The following PTPRD variants were observed in gnomAD, a reference collection of about 807,000 sequenced individuals.
PTPRD encodes protein tyrosine phosphatase receptor type D.
A neutral mutation model predicts 214.5 loss-of-function variants in PTPRD; 34 were observed. The observed-to-expected ratio is 0.16, with a 90% confidence interval of 0.12 to 0.21. PTPRD has a LOEUF of 0.21. Ranked by LOEUF, PTPRD falls within the 10% of genes least tolerant of loss-of-function variation. The pLI is 1.00. For missense variants in PTPRD, 2,545 were observed against 2,398.7 expected (o/e 1.06, Z -1.27); for synonymous variants, 1,128 against 845.7 (o/e 1.33, Z -5.79).
intron 11 of PTPRD, chr9:8,861,807 C>G (rs760799820): frequency 6.6e-6 from 1 of 152,130 alleles, no homozygotes; most frequent in Non-Finnish European, 1.5e-5. Flanking sequence ...GTGACATGTT[C>G]GGAAGAGAGT....
At chr9:8,561,602 G>C (rs1472117385) in intron 14 of PTPRD, among the ~76,000 whole-genome samples, 1 of 152,186 alleles carries the variant, frequency 6.6e-6, no homozygotes, top group African/African-American at 2.4e-5. Flanking sequence ...AGCAAGGTGG[G>C]GGTGAGGGGG....
intron 7 of PTPRD, among the ~76,000 whole-genome samples, chr9:9,656,625 C>A (rs2096522332): frequency 6.6e-6 from 1 of 152,022 alleles, no homozygotes; most frequent in Non-Finnish European, 1.5e-5. Context: ...GGGAGCAGTG[C>A]AGAGGAATAG....
chr9:9,686,696 A>G (rs747181305), intron 7 of PTPRD, among the ~76,000 whole-genome samples: 1 of 151,734 alleles, frequency 6.6e-6, no homozygotes, highest in Non-Finnish European at 1.5e-5. Context: ...GTAATACATC[A>G]ATGAATATTT....
chr9:10,289,214 T>C (rs1424031266), intron 3 of PTPRD, among the ~76,000 whole-genome samples: 1 of 152,190 alleles, frequency 6.6e-6, no homozygotes, highest in Non-Finnish European at 1.5e-5. Context: ...TTCTTATTTA[T>C]GGACTTATTC....
chr9:9,649,681 T>C (rs911411353), intron 7 of PTPRD, among the ~76,000 whole-genome samples: 8 of 152,236 alleles, frequency 5.3e-5, no homozygotes, highest in African/African-American at 1.9e-4. Context: ...TTTGCACTCA[T>C]TAATGTGGTT....
chr9:9,195,040 A>G (rs1224264419), intron 9 of PTPRD, among the ~76,000 whole-genome samples: 1 of 150,228 alleles, frequency 6.7e-6, no homozygotes, highest in East Asian at 2.0e-4. Context: ...GTGTGTATAT[A>G]TATACATATT....
rs777596277 is a variant in PTPRD, at chr9:8,376,676, G to C, written c.4437C>G (p.Leu1479=). Residue 1479 remains leucine, a synonymous_variant, in exon 38 of 46, where the codon CTC becomes CTG. Coordinates refer to ENST00000381196, the MANE Select transcript of PTPRD (RefSeq NM_002839.4). ...WPSRGTETHG[L]VQVTLLDTVE... ...CAGTATCAAGCAGCGTTACTTGAAC[G>C]AGTCCGTGGGTTTCTGTGCCTCTGC... 1 of 1,613,076 alleles carries C rather than the reference G, an allele frequency of 6.2e-7. No individual in the cohort carries two copies. Among genetic ancestry groups the C allele is most frequent in the South Asian group, 1.1e-5 (1 of 91,070 alleles).
At chr9:9,758,022 C>T (rs1300425334) in intron 6 of PTPRD, among the ~76,000 whole-genome samples, 2 of 151,872 alleles carry the variant, frequency 1.3e-5, no homozygotes, top group Admixed American at 1.3e-4. Flanking sequence ...CCATATCTGC[C>T]GGTGAGCCTC....
In PTPRD at chr9:9,913,162, T is replaced by C. The variant is rs568817763; in HGVS notation, c.-368+25345A>G. Among the ~76,000 whole-genome samples the C allele has an allele frequency of 3.9e-5, 6 of 152,306 alleles. No individual in the cohort carries two copies. The East Asian group carries it at 1.2e-3, about 29-fold the overall frequency. On this transcript the variant is annotated intron_variant, in intron 5 of 45. Transcript: ENST00000381196. The stretch of plus-strand genomic sequence containing the variant: ...TCCAAATTACATTCTAATTGCTATA[T>C]AAATTCATTTTTATGAAAAAAGAAA...
chr9:10,523,739 T>A (rs2134306207), intron 2 of PTPRD, among the ~76,000 whole-genome samples: 1 of 151,142 alleles, frequency 6.6e-6, no homozygotes, highest in East Asian at 2.0e-4. Flanking sequence ...CTATTGATTC[T>A]CTTTATGATT....
intron 4 of PTPRD, among the ~76,000 whole-genome samples, chr9:9,988,364 T>C (rs1239028077): frequency 1.3e-5 from 2 of 152,310 alleles, no homozygotes; most frequent in Non-Finnish European, 1.5e-5. Flanking sequence ...AACTGTTTAT[T>C]ATGAATGCCA....
chr9:8,381,129 C>G (rs2084938234), intron 37 of PTPRD, among the ~76,000 whole-genome samples: 1 of 152,076 alleles, frequency 6.6e-6, no homozygotes, highest in Admixed American at 6.5e-5. Flanking sequence ...AAATTCGTAC[C>G]TAGTAAGTTT....
chr9:9,833,560 C>T lies in PTPRD; in HGVS notation c.-367-66709G>A, dbSNP rs138742872. Among the ~76,000 whole-genome samples, 1,211 of 149,804 alleles carry T rather than the reference C, an allele frequency of 8.1e-3. 20 individuals carry two copies. The highest frequency in any genetic ancestry group is 0.028 in the African/African-American group (1,143 of 40,332). On this transcript the variant is annotated intron_variant, in intron 5 of 45. Coordinates refer to ENST00000381196, the MANE Select transcript of PTPRD (RefSeq NM_002839.4). ...CAGGAGACAGGGTTTTGAGATCAAC[C>T]GGTCTGACCAAAATTTATTAGGCGG...
intron 8 of PTPRD, among the ~76,000 whole-genome samples, chr9:9,572,766 C>T (rs1353007626): frequency 1.3e-5 from 2 of 150,858 alleles, no homozygotes; most frequent in African/African-American, 2.4e-5. Context: ...GACATTTCAA[C>T]GAATAGTGTA....
intron 5 of PTPRD, among the ~76,000 whole-genome samples, chr9:9,777,778 GT>G (rs917549653): frequency 2.6e-5 from 4 of 151,922 alleles, no homozygotes; most frequent in East Asian, 3.9e-4. Context: ...GGTTTTAATG[GT>G]TTTTTTTGTA....
intron 2 of PTPRD, among the ~76,000 whole-genome samples, chr9:10,605,581 T>C (rs2181154): frequency 0.96 from 145,335 of 151,768 alleles, 69,941 homozygotes; most frequent in East Asian, 1. Flanking sequence ...AGCTTCCACC[T>C]AGGTTCTAAA....
rs2136847183 is a variant in PTPRD, at chr9:8,499,838, G to A, written c.2131C>T (p.Pro711Ser). The A allele has an allele frequency of 1.2e-6, 2 of 1,606,942 alleles. No homozygotes were observed. Among genetic ancestry groups the A allele is most frequent in the Non-Finnish European group, 1.7e-6 (2 of 1,176,906 alleles). The change falls in exon 25 of 46, where the codon CCT becomes TCT. Residue 711 changes from proline to serine, a missense_variant and splice_region_variant. Coordinates refer to ENST00000381196, the MANE Select transcript of PTPRD (RefSeq NM_002839.4). ...TCGACTTTGCGAGGAGGACCACTAG[G>A]AACTGGAACAACATCATTGGATAAA... is the stretch of plus-strand genomic sequence containing the variant. ...SVLIRTNEDV[P>S]SGPPRKVEVE...
At position 10,565,558 on chromosome 9, in the gene PTPRD, T is replaced by G. The variant is rs181874999; in HGVS notation, c.-600+46840A>C. Among the ~76,000 whole-genome samples, 403 of 152,158 alleles carry G rather than the reference T, an allele frequency of 2.6e-3. 3 individuals are homozygous for G. Among genetic ancestry groups the G allele is most frequent in the African/African-American group, 9.4e-3 (390 of 41,532 alleles). On this transcript the variant is annotated intron_variant, in intron 2 of 45. Coordinates refer to ENST00000381196, the MANE Select transcript of PTPRD (RefSeq NM_002839.4). Reference sequence around the variant, plus strand: ...TGTGTTTATAGTAAGTACTGCAAAATTTTAAAATGCTGTTACGGAACTGTA... The same window carrying G: ...TGTGTTTATAGTAAGTACTGCAAAAGTTTAAAATGCTGTTACGGAACTGTA...
intron 8 of PTPRD, among the ~76,000 whole-genome samples, chr9:9,425,275 G>T (rs1053355795): frequency 4.0e-5 from 6 of 151,680 alleles, no homozygotes; most frequent in Non-Finnish European, 8.8e-5. Flanking sequence ...GCCTGGCCCA[G>T]TTCCATGACG....
Sources: allele counts gnomAD v4.1 joint callset (sites outside exome capture counted in the v4.1 genomes callset), GRCh38; gene constraint gnomAD v4.1.1; transcripts MANE v1.5; gene names NCBI Gene and HGNC (gene_info 2026-07-23, HGNC 2026-07-21).